Variants in SYN3 observed in about 807,000 individuals in gnomAD.
SYN3 encodes the protein synapsin III.
SYN3 carries 35 observed loss-of-function variants against 65.8 expected under a neutral mutation model. The observed-to-expected ratio is 0.53, with a 90% confidence interval of 0.41 to 0.70. The LOEUF is 0.70. SYN3 is among the 30% of genes least tolerant of loss of function. The pLI, the probability that SYN3 is intolerant of heterozygous loss-of-function variation, is 0.00. For missense variants in SYN3, 680 were observed against 749.0 expected (o/e 0.91, Z 1.08); for synonymous variants, 270 against 292.9 (o/e 0.92, Z 0.80).
At chr22:32,572,760 C>T (rs2058796470) in intron 7 of SYN3, among the ~76,000 whole-genome samples, 1 of 152,066 alleles carries the variant, frequency 6.6e-6, no homozygotes, top group Non-Finnish European at 1.5e-5. Context: ...CTGGCCATTT[C>T]TGACAATACA....
intron 3 of SYN3, among the ~76,000 whole-genome samples, chr22:32,971,465 G>A (rs1214822608): frequency 1.3e-5 from 2 of 152,176 alleles, no homozygotes; most frequent in Admixed American, 6.5e-5. Flanking sequence ...GGATCAGAGC[G>A]GGTAGAGTTC....
Position 33,006,517 on chromosome 22 carries a change from G to A in SYN3, c.146C>T (p.Ala49Val). The change falls in exon 2 of 14, where the codon GCT becomes GTT. Residue 49 changes from alanine to valine, a missense_variant. Coordinates refer to ENST00000358763, the MANE Select transcript of SYN3 (RefSeq NM_003490.4). The part of the protein sequence containing the change: ...AMERRHPQPL[A>V]ASFSSPGSSL... ...GGATCCTGGAGAGGAGAAGGAGGCA[G>A]CCAGGGGCTGGGGGTGCCTCCTCTC... 6.2e-7 allele frequency: 1 copy of A among 1,614,232 alleles called. No individual in the cohort carries two copies. Among genetic ancestry groups the A allele is most frequent in the Non-Finnish European group, 8.5e-7 (1 of 1,180,042 alleles).
chr22:32,962,568 G>A (rs1207948186), intron 3 of SYN3, among the ~76,000 whole-genome samples: 9 of 152,318 alleles, frequency 5.9e-5, no homozygotes, highest in Admixed American at 1.3e-4. Context: ...ATGAGGCGGC[G>A]AGTTAGCTGT....
At chr22:32,682,346 G>C (rs920592555) in intron 6 of SYN3, among the ~76,000 whole-genome samples, 5 of 152,176 alleles carry the variant, frequency 3.3e-5, no homozygotes, top group Non-Finnish European at 7.4e-5. Flanking sequence ...TGAGGATCTT[G>C]AACAGAGGAG....
intron 1 of SYN3, among the ~76,000 whole-genome samples, chr22:33,028,026 G>C (rs57190782): frequency 0.041 from 6,289 of 152,266 alleles, 424 homozygotes; most frequent in African/African-American, 0.14. Flanking sequence ...CTTCCCCAAG[G>C]CTGTGTGTCT....
At chr22:32,985,168 T>G (rs1165707331) in intron 2 of SYN3, among the ~76,000 whole-genome samples, 1 of 152,144 alleles carries the variant, frequency 6.6e-6, no homozygotes, top group Non-Finnish European at 1.5e-5. Flanking sequence ...AGGGTTGTTA[T>G]GAGGATTAAA....
intron 4 of SYN3, among the ~76,000 whole-genome samples, chr22:32,906,540 G>T (rs2049907587): frequency 6.6e-6 from 1 of 152,062 alleles, no homozygotes; most frequent in South Asian, 2.1e-4. Flanking sequence ...TGCAGAATGT[G>T]CAGGTTTGTT....
intron 3 of SYN3, among the ~76,000 whole-genome samples, chr22:32,956,904 C>CAAAG (rs1259723224): frequency 6.6e-6 from 1 of 152,194 alleles, no homozygotes; most frequent in Non-Finnish European, 1.5e-5. Flanking sequence ...CATCAGTGCA[C>CAAAG]AAAGGTTCCA....
intron 6 of SYN3, among the ~76,000 whole-genome samples, chr22:32,780,407 G>C (rs1339177991): frequency 6.6e-6 from 1 of 152,152 alleles, no homozygotes; most frequent in Non-Finnish European, 1.5e-5. Context: ...TAAAACCAGA[G>C]GGCCTCTGTG....
intron 6 of SYN3, among the ~76,000 whole-genome samples, chr22:32,681,220 A>G (rs2060518147): frequency 7.8e-6 from 1 of 129,016 alleles, no homozygotes; most frequent in Non-Finnish European, 1.8e-5. Context: ...CTCCAGGGAT[A>G]TTTGGCAACG....
At chr22:32,820,269 CGTGTGTGTGT>C (rs374591413) in intron 6 of SYN3, among the ~76,000 whole-genome samples, 1 of 144,928 alleles carries the variant, frequency 6.9e-6, no homozygotes, top group African/African-American at 2.5e-5. Context: ...TGTGCGTGCG[CGTGTGTGTGT>C]GTGTGTGTGG....
At chr22:32,616,840 G>A (rs1257010338) in intron 6 of SYN3, among the ~76,000 whole-genome samples, 3 of 152,190 alleles carry the variant, frequency 2.0e-5, no homozygotes, top group African/African-American at 7.2e-5. Context: ...CATGGACAGT[G>A]CATAGGGGAA....
chr22:32,576,477 C>A (rs553352137), intron 7 of SYN3, among the ~76,000 whole-genome samples: 1 of 152,086 alleles, frequency 6.6e-6, no homozygotes, highest in Non-Finnish European at 1.5e-5. Flanking sequence ...ACCTAGTATG[C>A]GGTCAATAAA....
At chr22:32,846,764 G>C (rs1164230815) in intron 6 of SYN3, among the ~76,000 whole-genome samples, 1 of 152,166 alleles carries the variant, frequency 6.6e-6, no homozygotes, top group Non-Finnish European at 1.5e-5. Flanking sequence ...AGAGGCACTG[G>C]GCTAAGAAAG....
intron 4 of SYN3, among the ~76,000 whole-genome samples, chr22:32,895,576 T>C (rs970476357): frequency 4.6e-5 from 7 of 152,160 alleles, no homozygotes; most frequent in African/African-American, 1.4e-4. Context: ...TTGCACCAAA[T>C]CTGGAAACAC....
Position 33,006,785 on chromosome 22 carries a change from G to T in SYN3, c.-123C>A. 1.0e-6 allele frequency: 1 copy of T among 952,924 alleles called. No individual in the cohort carries two copies. Among genetic ancestry groups the T allele is most frequent in the Non-Finnish European group, 1.5e-6 (1 of 647,678 alleles). 59.0% of individuals were successfully genotyped at this position (952,924 alleles called of 1,614,324 possible). A position where few individuals can be genotyped will look rare whatever the true frequency, so the allele number is the denominator to read the frequency against. On this transcript the variant is annotated 5_prime_UTR_variant, in exon 2 of 14. Transcript: ENST00000358763. ...TAGCCAGAAGAGCCAGGGGGATTTT[G>T]CGCAACCAGCAGTCAGCTTTAGCTG...
intron 9 of SYN3, among the ~76,000 whole-genome samples, chr22:32,535,928 AT>A (rs1458963288): frequency 1.3e-5 from 2 of 152,056 alleles, no homozygotes; most frequent in Non-Finnish European, 2.9e-5. Flanking sequence ...CCCTGTATGG[AT>A]TTTGCTCCTG....
At chr22:32,587,359 G>T (rs138964232) in intron 7 of SYN3, among the ~76,000 whole-genome samples, 27 of 152,070 alleles carry the variant, frequency 1.8e-4, no homozygotes, top group African/African-American at 5.8e-4. Flanking sequence ...TGGGTGTTGG[G>T]GGGGAGGGTC....
chr22:32,782,359 C>T (rs1379975180), intron 6 of SYN3, among the ~76,000 whole-genome samples: 1 of 151,864 alleles, frequency 6.6e-6, no homozygotes, highest in African/African-American at 2.4e-5. Flanking sequence ...TGTGCCACCA[C>T]GCCCAGCTAA....
Sources: allele counts gnomAD v4.1 joint callset (sites outside exome capture counted in the v4.1 genomes callset), GRCh38; gene constraint gnomAD v4.1.1; transcripts MANE v1.5; gene names NCBI Gene and HGNC (gene_info 2026-07-23, HGNC 2026-07-21).